PTBP3: variants seen among roughly 807,000 people sequenced by gnomAD.
PTBP3 encodes polypyrimidine tract-binding protein 3.
Under a neutral mutation model 58.7 loss-of-function variants are expected in PTBP3, and 20 were observed. The ratio of observed to expected loss-of-function variants is 0.34; its 90% CI spans 0.24 to 0.50. The LOEUF is 0.50. PTBP3 is among the 20% of genes least tolerant of loss of function. PTBP3 has a pLI of 0.98. For synonymous variants in PTBP3, 185 were observed against 219.8 expected, an observed-to-expected ratio of 0.84 and a Z score of 1.40; for missense variants, 509 against 637.2, an observed-to-expected ratio of 0.80 and a Z score of 2.17.
At chr9:112,292,659 G>A (rs776128554) in intron 2 of PTBP3, among the ~76,000 whole-genome samples, 11 of 152,158 alleles carry the variant, frequency 7.2e-5, no homozygotes, top group Non-Finnish European at 1.3e-4. Context: ...TATGCTAAGT[G>A]AAATAAGCCA....
At chr9:112,290,156 A>C (rs1446194245) in intron 2 of PTBP3, among the ~76,000 whole-genome samples, 1 of 152,234 alleles carries the variant, frequency 6.6e-6, no homozygotes, top group Non-Finnish European at 1.5e-5. Context: ...ATCTGCATAC[A>C]CGTATAACAA....
At chr9:112,320,841 T>C (rs745757761) in intron 1 of PTBP3, among the ~76,000 whole-genome samples, 1 of 152,192 alleles carries the variant, frequency 6.6e-6, no homozygotes, top group Non-Finnish European at 1.5e-5. Context: ...GACTGTTTAC[T>C]CACGCCATAC....
intron 1 of PTBP3, among the ~76,000 whole-genome samples, chr9:112,312,358 G>A (rs1194507123): frequency 1.3e-5 from 2 of 151,910 alleles, no homozygotes; most frequent in African/African-American, 2.4e-5. Flanking sequence ...TTCACTGAGC[G>A]TGGTGGTGCA....
chr9:112,319,769 C>T (rs1829846220), intron 1 of PTBP3, among the ~76,000 whole-genome samples: 1 of 152,034 alleles, frequency 6.6e-6, no homozygotes, highest in Admixed American at 6.6e-5. Context: ...AATATGAAAC[C>T]AATCAAAATG....
intron 5 of PTBP3, among the ~76,000 whole-genome samples, chr9:112,254,566 G>A (rs1296560637): frequency 1.3e-5 from 2 of 152,102 alleles, no homozygotes; most frequent in African/African-American, 2.4e-5. Flanking sequence ...AATAGGCAAA[G>A]GACTTCAATC....
chr9:112,373,341 G>A, the PTBP3 span, among the ~76,000 whole-genome samples: 1 of 152,166 alleles, frequency 6.6e-6, no homozygotes, highest in Non-Finnish European at 1.5e-5. Context: ...CATCCAGCTT[G>A]GGAGAAAGAT....
chr9:112,366,346 G>A, the PTBP3 span, among the ~76,000 whole-genome samples: 1 of 152,088 alleles, frequency 6.6e-6, no homozygotes. Flanking sequence ...TGGGGGAAAT[G>A]TTGCCAGGGC....
Position 112,330,370 on chromosome 9 carries a change from T to A in PTBP3, c.-52+3100A>T, listed in dbSNP as rs1052753291. ...TTACACAATAAAGCAGATAATTTTA[T>A]GAACAGGTGAGACTGAAAATATGCC... is the stretch of plus-strand genomic sequence containing the variant. On this transcript the variant is annotated intron_variant, in intron 1 of 13. Transcript: ENST00000374257. The A allele has an allele frequency of 6.1e-6, 7 of 1,144,236 alleles. No individual in the cohort carries two copies. In the East Asian group the frequency reaches 7.3e-5, roughly 12 times the overall value. The allele number at this position is 1,144,236 out of a possible 1,614,324, so 70.9% of individuals were successfully genotyped here.
intron 2 of PTBP3, among the ~76,000 whole-genome samples, chr9:112,292,980 C>G (rs903478806): frequency 6.6e-6 from 1 of 151,912 alleles, no homozygotes; most frequent in Admixed American, 6.6e-5. Flanking sequence ...ATATTCATAG[C>G]AACACTACAT....
intron 1 of PTBP3, among the ~76,000 whole-genome samples, chr9:112,325,198 G>C (rs185650144): frequency 6.6e-6 from 1 of 152,178 alleles, no homozygotes; most frequent in African/African-American, 2.4e-5. Context: ...GAGAACCTTC[G>C]ACCTGCCCAG....
chr9:112,335,631 C>T (rs1159323967), upstream of PTBP3, among the ~76,000 whole-genome samples: 4 of 124,328 alleles, frequency 3.2e-5, no homozygotes, highest in Admixed American at 2.5e-4. Context: ...ACCTAAAAAT[C>T]CTGGATTATA....
At chr9:112,236,160 T>C (rs1835430378) in intron 7 of PTBP3, among the ~76,000 whole-genome samples, 1 of 151,952 alleles carries the variant, frequency 6.6e-6, no homozygotes, top group South Asian at 2.1e-4. Context: ...TTATTTAATA[T>C]AATTTATTAA....
At chr9:112,295,860 T>G (rs1167747161) in intron 2 of PTBP3, among the ~76,000 whole-genome samples, 3 of 152,142 alleles carry the variant, frequency 2.0e-5, no homozygotes, top group Admixed American at 6.5e-5. Context: ...CTTATCAGAA[T>G]CCCTAAGATA....
chr9:112,350,269 C>G, the PTBP3 span, among the ~76,000 whole-genome samples: 10 of 152,146 alleles, frequency 6.6e-5, no homozygotes, highest in South Asian at 4.2e-4. Flanking sequence ...ACATTGGGTT[C>G]AGTGTACACT....
the PTBP3 span, among the ~76,000 whole-genome samples, chr9:112,357,887 T>A: frequency 6.6e-6 from 1 of 152,164 alleles, no homozygotes; most frequent in Non-Finnish European, 1.5e-5. Context: ...TTGACAAAAC[T>A]GGAAGAGTTG....
At chr9:112,361,141 G>A in the PTBP3 span, among the ~76,000 whole-genome samples, 1 of 152,086 alleles carries the variant, frequency 6.6e-6, no homozygotes, top group East Asian at 1.9e-4. Context: ...CTGTTGCCCA[G>A]GCTGGAGTGC....
chr9:112,312,491 TTTTTTTTTTA>T (rs1829526239), intron 1 of PTBP3, among the ~76,000 whole-genome samples: 3 of 146,766 alleles, frequency 2.0e-5, no homozygotes, highest in African/African-American at 5.0e-5. Flanking sequence ...TTTTTTTGTT[TTTTTTTTTTA>T]AAAAAAAAAA....
intron 1 of PTBP3, among the ~76,000 whole-genome samples, chr9:112,307,303 A>C (rs1829262291): frequency 6.6e-6 from 1 of 151,982 alleles, no homozygotes; most frequent in African/African-American, 2.4e-5. Flanking sequence ...AAACACAAAA[A>C]ATTAGCCGGG....
chr9:112,319,439 A>G (rs1421914413), intron 1 of PTBP3, among the ~76,000 whole-genome samples: 1 of 152,164 alleles, frequency 6.6e-6, no homozygotes, highest in Non-Finnish European at 1.5e-5. Flanking sequence ...AACAGCCAAC[A>G]GGTATATAAA....
Sources: allele counts gnomAD v4.1 joint callset (sites outside exome capture counted in the v4.1 genomes callset), GRCh38; gene constraint gnomAD v4.1.1; transcripts MANE v1.5; gene names NCBI Gene and HGNC (gene_info 2026-07-23, HGNC 2026-07-21).